The following KLF12 variants were observed in gnomAD, a reference collection of about 807,000 sequenced individuals.
KLF12 encodes the protein Krueppel-like factor 12.
Under a neutral mutation model 37.8 loss-of-function variants are expected in KLF12, and 9 were observed. The observed-to-expected ratio is 0.24, with a 90% confidence interval of 0.14 to 0.42. The LOEUF (loss-of-function observed/expected upper bound fraction) is 0.42. Ranked by LOEUF, KLF12 falls within the 10% of genes least tolerant of loss-of-function variation. The pLI is 1.00. For missense variants in KLF12, 411 were observed against 516.0 expected, an observed-to-expected ratio of 0.80 and a Z score of 1.97; for synonymous variants, 208 against 202.1, an observed-to-expected ratio of 1.03 and a Z score of -0.25.
chr13:73,962,864 T>C (rs1005920091), intron 2 of KLF12, among the ~76,000 whole-genome samples: 12 of 152,178 alleles, frequency 7.9e-5, no homozygotes, highest in Non-Finnish European at 1.8e-4. Flanking sequence ...GTAACCACGA[T>C]TGCCAAGTCT....
At chr13:74,183,386 T>G in the KLF12 span, among the ~76,000 whole-genome samples, 1 of 152,118 alleles carries the variant, frequency 6.6e-6, no homozygotes, top group East Asian at 1.9e-4. Context: ...TGCCCTCATA[T>G]CACTGACAGA....
chr13:74,153,153 C>G, the KLF12 span, among the ~76,000 whole-genome samples: 1 of 151,494 alleles, frequency 6.6e-6, no homozygotes, highest in African/African-American at 2.4e-5. Flanking sequence ...CATTGTAATT[C>G]AAATGATATA....
intron 6 of KLF12, among the ~76,000 whole-genome samples, chr13:73,739,668 C>G: frequency 7.5e-6 from 1 of 133,752 alleles, no homozygotes; most frequent in East Asian, 2.1e-4. Flanking sequence ...CTCTATGCAG[C>G]ACTAGAGTCT....
At position 73,869,659 on chromosome 13, in the gene KLF12, T is replaced by C. The variant is rs551296678; in HGVS notation, c.124-23286A>G. 2.0e-5 allele frequency among the ~76,000 whole-genome samples: 3 copies of C among 151,804 alleles called. No homozygotes were observed. The East Asian group carries it at 5.8e-4, about 29-fold the overall frequency. On this transcript the variant is annotated intron_variant, in intron 3 of 7. Transcript: ENST00000377669. ...ACAGTTATATGCTGAGTATATATAATATACTCAGCATATAACATAGTTCCT... is the reference window on the plus strand; with the variant it reads ...ACAGTTATATGCTGAGTATATATAACATACTCAGCATATAACATAGTTCCT...
At chr13:74,051,401 G>T (rs754993478) in intron 1 of KLF12, among the ~76,000 whole-genome samples, 1 of 149,120 alleles carries the variant, frequency 6.7e-6, no homozygotes, top group Non-Finnish European at 1.5e-5. Context: ...TACCAACTCT[G>T]TAAGAACTCT....
chr13:74,099,834 T>G (rs142395980), intron 1 of KLF12, among the ~76,000 whole-genome samples: 1 of 27,782 alleles, frequency 3.6e-5, no homozygotes, highest in Non-Finnish European at 5.7e-4. Context: ...ATTCTTTTTA[T>G]TTAAAAAAAA....
chr13:73,903,874 G>T (rs1888148349), intron 3 of KLF12, among the ~76,000 whole-genome samples: 1 of 152,150 alleles, frequency 6.6e-6, no homozygotes, highest in South Asian at 2.1e-4. Context: ...GATCTAGGTT[G>T]CATGGTCCTT....
intron 4 of KLF12, among the ~76,000 whole-genome samples, chr13:73,831,977 GCTATTCTCTA>G (rs1884185461): frequency 6.6e-6 from 1 of 152,138 alleles, no homozygotes; most frequent in Non-Finnish European, 1.5e-5. Context: ...ATTTTTATTT[GCTATTCTCTA>G]CTTACGTGGT....
the KLF12 span, among the ~76,000 whole-genome samples, chr13:74,234,810 G>A: frequency 6.6e-6 from 1 of 151,000 alleles, no homozygotes; most frequent in African/African-American, 2.4e-5. Context: ...ACCATTATAT[G>A]TATCGATACC....
rs532194936 is a variant in KLF12, at chr13:74,132,573, A to G, written c.-32+1166T>C. Reference sequence around the variant, plus strand: ...TCTATACAGTTAAATTAGAGTGCTGACAATACTAACTACGCAAACTGTTTA... The same window carrying G: ...TCTATACAGTTAAATTAGAGTGCTGGCAATACTAACTACGCAAACTGTTTA... On this transcript the variant is annotated intron_variant, in intron 1 of 7. Coordinates refer to ENST00000377669, the MANE Select transcript of KLF12 (RefSeq NM_007249.5). Among the ~76,000 whole-genome samples, 13 of 152,354 alleles carry G rather than the reference A, an allele frequency of 8.5e-5. No homozygotes were observed. The South Asian group carries it at 2.7e-3, about 32-fold the overall frequency.
the KLF12 span, among the ~76,000 whole-genome samples, chr13:74,282,477 G>A: frequency 6.6e-6 from 1 of 152,142 alleles, no homozygotes; most frequent in Non-Finnish European, 1.5e-5. Context: ...CTGCAGGGGT[G>A]GGAACTGAGA....
chr13:73,823,375 G>A (rs1157914888), intron 4 of KLF12, among the ~76,000 whole-genome samples: 1 of 152,100 alleles, frequency 6.6e-6, no homozygotes, highest in African/African-American at 2.4e-5. Flanking sequence ...TACCACAGAA[G>A]GGTTCTCTGC....
At chr13:74,067,542 G>C (rs1042263263) in intron 1 of KLF12, among the ~76,000 whole-genome samples, 1 of 152,120 alleles carries the variant, frequency 6.6e-6, no homozygotes, top group African/African-American at 2.4e-5. Flanking sequence ...TTGCTAATCA[G>C]GTACCTATCC....
chr13:73,996,168 A>C (rs2138277937), intron 1 of KLF12, among the ~76,000 whole-genome samples: 1 of 152,348 alleles, frequency 6.6e-6, no homozygotes, highest in South Asian at 2.1e-4. Flanking sequence ...CTCTCTTGCT[A>C]TAACAATGTC....
At position 73,748,212 on chromosome 13, in the gene KLF12, G is replaced by A. The variant is rs1384248627; in HGVS notation, c.869+16726C>T. ...CCATATCAGATTCCTTTGTCACACA[G>A]AAGACAAAGTCGGACTGAAGTGATG... On this transcript the variant is annotated intron_variant, in intron 6 of 7. Transcript: ENST00000377669. Among the ~76,000 whole-genome samples, 3 of 152,186 alleles carry A rather than the reference G, an allele frequency of 2.0e-5. No individual in the cohort carries two copies. In the South Asian group the frequency reaches 6.2e-4, roughly 32 times the overall value.
At chr13:73,770,062 A>C (rs73531607) in intron 5 of KLF12, among the ~76,000 whole-genome samples, 1 of 152,224 alleles carries the variant, frequency 6.6e-6, no homozygotes, top group Admixed American at 6.5e-5. Flanking sequence ...CATTGTGCAA[A>C]GCATTAAACA....
At chr13:74,058,518 G>T (rs1039277928) in intron 1 of KLF12, among the ~76,000 whole-genome samples, 27 of 151,704 alleles carry the variant, frequency 1.8e-4, no homozygotes, top group African/African-American at 6.3e-4. Flanking sequence ...ACCACGCCCG[G>T]CTAATTTTTT....
chr13:73,959,105 G>A (rs1890938759), intron 2 of KLF12, among the ~76,000 whole-genome samples: 1 of 55,932 alleles, frequency 1.8e-5, no homozygotes, highest in Admixed American at 1.9e-4. Flanking sequence ...CAGCATCTCT[G>A]ACCTCCACAC....
the KLF12 span, among the ~76,000 whole-genome samples, chr13:74,299,278 C>G: frequency 6.6e-6 from 1 of 152,162 alleles, no homozygotes; most frequent in East Asian, 1.9e-4. Flanking sequence ...TGCAAGAGCA[C>G]TGGACATTCT....
Sources: gnomAD v4.1 joint callset for allele counts (sites outside exome capture counted in the v4.1 genomes callset) on GRCh38, gnomAD v4.1.1 for gene constraint, MANE v1.5 for transcripts, NCBI Gene and HGNC (gene_info 2026-07-23, HGNC 2026-07-21) for gene names.